Variants in C1QTNF7 observed in about 807,000 individuals in gnomAD.
The protein encoded by C1QTNF7 is C1q and TNF related 7.
In C1QTNF7, 15 loss-of-function variants were observed where a neutral mutation model predicts 19.6. The ratio of observed to expected loss-of-function variants is 0.76; its 90% CI spans 0.51 to 1.18. The LOEUF (loss-of-function observed/expected upper bound fraction) is 1.18. Ranked by LOEUF, C1QTNF7 falls within the 50% of genes most tolerant of loss-of-function variation. C1QTNF7 has a pLI of 0.00. For synonymous variants in C1QTNF7, 142 were observed against 137.5 expected, an observed-to-expected ratio of 1.03 and a Z score of -0.23; for missense variants, 324 against 359.7, an observed-to-expected ratio of 0.90 and a Z score of 0.80.
At chr4:15,414,908 T>G (rs997681884) in intron 1 of C1QTNF7, among the ~76,000 whole-genome samples, 1 of 152,206 alleles carries the variant, frequency 6.6e-6, no homozygotes, top group Non-Finnish European at 1.5e-5. Flanking sequence ...CAAGATGCCT[T>G]CCTTACTCCA....
chr4:15,380,195 A>C (rs1352584032), intron 1 of C1QTNF7, among the ~76,000 whole-genome samples: 1 of 152,224 alleles, frequency 6.6e-6, no homozygotes, highest in Non-Finnish European at 1.5e-5. Context: ...AAATAGGAAT[A>C]CCTTTTAAAA....
rs901948723 is a variant in C1QTNF7 at position 15,374,552 on chromosome 4, T to G, written c.13+34345T>G. 5 of 985,256 alleles carry G rather than the reference T, an allele frequency of 5.1e-6. No individual in the cohort carries two copies. The East Asian group carries it at 5.7e-4, about 112-fold the overall frequency. The allele number at this position is 985,256 out of a possible 1,614,324, so 61.0% of individuals were successfully genotyped here. ...AGATCTGTGTAGGCCACAGCGTCATTGCACGCCGGGGTCCTTGCCCGCTCC... is the reference window on the plus strand; with the variant it reads ...AGATCTGTGTAGGCCACAGCGTCATGGCACGCCGGGGTCCTTGCCCGCTCC... On this transcript the variant is annotated intron_variant, in intron 1 of 2. Transcript: ENST00000295297.
chr4:15,398,495 G>GAAC (rs1319091877), intron 1 of C1QTNF7, among the ~76,000 whole-genome samples: 1 of 151,940 alleles, frequency 6.6e-6, no homozygotes, highest in Non-Finnish European at 1.5e-5. Context: ...GTTCCACAGT[G>GAAC]AACACTTCAG....
chr4:15,423,867 C>T (rs530627100), upstream of C1QTNF7, among the ~76,000 whole-genome samples: 27 of 152,280 alleles, frequency 1.8e-4, no homozygotes, highest in African/African-American at 5.5e-4. Context: ...CAAGTTCTCT[C>T]TTATTTAGGC....
At chr4:15,369,703 C>T (rs1046392990) in intron 1 of C1QTNF7, among the ~76,000 whole-genome samples, 3 of 152,084 alleles carry the variant, frequency 2.0e-5, no homozygotes, top group African/African-American at 4.8e-5. Flanking sequence ...TAATGATACA[C>T]TGGGAATGCC....
upstream of C1QTNF7, chr4:15,427,833 G>A (rs1008926506): frequency 1.3e-5 from 2 of 156,078 alleles, no homozygotes; most frequent in African/African-American, 4.8e-5. Flanking sequence ...ACTTACCACT[G>A]AAGGAAAGCA....
At chr4:15,391,076 G>A (rs1577252619) in intron 1 of C1QTNF7, among the ~76,000 whole-genome samples, 1 of 151,990 alleles carries the variant, frequency 6.6e-6, no homozygotes, top group African/African-American at 2.4e-5. Context: ...AAGTCTGGGG[G>A]TAGATCTTCT....
At chr4:15,440,591 A>G (rs1234359128) in intron 2 of C1QTNF7, among the ~76,000 whole-genome samples, 1 of 151,916 alleles carries the variant, frequency 6.6e-6, no homozygotes, top group Non-Finnish European at 1.5e-5. Flanking sequence ...TATTTTTAGT[A>G]GAGACGGGGC....
chr4:15,397,707 A>C (rs1718837522), intron 1 of C1QTNF7, among the ~76,000 whole-genome samples: 1 of 152,232 alleles, frequency 6.6e-6, no homozygotes, highest in Non-Finnish European at 1.5e-5. Context: ...TTAAGGCTTC[A>C]CTTATGAATG....
chr4:15,396,974 G>A (rs1037097442), intron 1 of C1QTNF7, among the ~76,000 whole-genome samples: 1 of 152,140 alleles, frequency 6.6e-6, no homozygotes. Context: ...ACAGTTCTAC[G>A]TGCCTGGGGA....
intron 1 of C1QTNF7, among the ~76,000 whole-genome samples, chr4:15,401,618 G>A (rs1055926882): frequency 6.6e-6 from 1 of 152,198 alleles, no homozygotes; most frequent in Admixed American, 6.5e-5. Flanking sequence ...TCCACCACCA[G>A]AGAACACAGA....
At chr4:15,441,530 C>A (rs1267369707) in intron 2 of C1QTNF7, among the ~76,000 whole-genome samples, 1 of 152,206 alleles carries the variant, frequency 6.6e-6, no homozygotes, top group African/African-American at 2.4e-5. Context: ...ATAATATCAT[C>A]ATGCTCATTG....
intron 1 of C1QTNF7, among the ~76,000 whole-genome samples, chr4:15,400,297 C>CTAAAGAT (rs1448217357): frequency 6.6e-6 from 1 of 152,206 alleles, no homozygotes; most frequent in Non-Finnish European, 1.5e-5. Flanking sequence ...GGCAGCAGCT[C>CTAAAGAT]CCACGGCTCT....
chr4:15,367,508 T>G (rs75699360), intron 1 of C1QTNF7, among the ~76,000 whole-genome samples: 1,878 of 152,338 alleles, frequency 0.012, 19 homozygotes, highest in Non-Finnish European at 0.02. Flanking sequence ...CATACTGAGT[T>G]GATGCAGCCG....
chr4:15,340,223 C>T (rs1346876299), intron 1 of C1QTNF7: 1 of 1,551,520 alleles, frequency 6.4e-7, no homozygotes, highest in Admixed American at 2.0e-5. Context: ...CTACCATTTT[C>T]ACTGCAGTTT....
chr4:15,442,834 T>A lies in C1QTNF7; in HGVS notation c.*35T>A. On this transcript the variant is annotated 3_prime_UTR_variant, in exon 3 of 3. Coordinates refer to ENST00000444304, the MANE Select transcript of C1QTNF7 (RefSeq NM_031911.5). ...AGATCCCTGTGGTAAACACTCTGAT[T>A]GAATCTGGGGTTCCAGAAGGTGGAA... The A allele has an allele frequency of 6.5e-7, 1 of 1,538,010 alleles. No individual in the cohort carries two copies. The highest frequency in any genetic ancestry group is 8.7e-7 in the Non-Finnish European group (1 of 1,147,076).
At chr4:15,410,984 G>C (rs566476867) in intron 1 of C1QTNF7, among the ~76,000 whole-genome samples, 70 of 152,262 alleles carry the variant, frequency 4.6e-4, no homozygotes, top group African/African-American at 1.7e-3. Flanking sequence ...CATCCAAATT[G>C]CATTTCCTGT....
At chr4:15,368,256 T>G (rs1236696814) in intron 1 of C1QTNF7, among the ~76,000 whole-genome samples, 2 of 152,176 alleles carry the variant, frequency 1.3e-5, no homozygotes, top group Non-Finnish European at 2.9e-5. Flanking sequence ...CACCCCCGAC[T>G]CTTTCAGCAT....
chr4:15,350,356 G>GAGGGA lies in C1QTNF7; in HGVS notation c.13+10152_13+10153insGAAGG, dbSNP rs772401961. Among the ~76,000 whole-genome samples, 60 of 80,778 alleles carry GAGGGA rather than the reference G, an allele frequency of 7.4e-4. 6 individuals carry two copies. Among genetic ancestry groups the GAGGGA allele is most frequent in the African/African-American group, 2.0e-3 (34 of 17,042 alleles). The allele number at this position is 80,778 out of a possible 152,430, so 53.0% of individuals were successfully genotyped here. A position where few individuals can be genotyped will look rare whatever the true frequency, so the allele number is the denominator to read the frequency against. Reference sequence around the variant, plus strand: ...GAAAGGAGGGAGGGAGGGAGGGAGGGAGGAAGGAAAAAAGAATTCTGAATT... The same window carrying GAGGGA: ...GAAAGGAGGGAGGGAGGGAGGGAGGGAGGGAAGGAAGGAAAAAAGAATTCTGAATT... On this transcript the variant is annotated intron_variant, in intron 1 of 2. Coordinates refer to the C1QTNF7 transcript ENST00000295297.
Sources: gnomAD v4.1 joint callset for allele counts (sites outside exome capture counted in the v4.1 genomes callset) on GRCh38, gnomAD v4.1.1 for gene constraint, MANE v1.5 for transcripts, NCBI Gene and HGNC (gene_info 2026-07-23, HGNC 2026-07-21) for gene names.